The following KLRB1 variants were observed in gnomAD, a reference collection of about 807,000 sequenced individuals.
KLRB1 encodes killer cell lectin-like receptor subfamily B member 1.
In KLRB1, 27 loss-of-function variants were observed where a neutral mutation model predicts 33.5. The observed-to-expected ratio is 0.81, with a 90% CI of 0.59 to 1.11. The LOEUF (loss-of-function observed/expected upper bound fraction) is 1.11. KLRB1 is among the 50% of genes most tolerant of loss of function. The pLI is 0.00. For synonymous variants in KLRB1, 64 were observed against 88.9 expected, an observed-to-expected ratio of 0.72 and a Z score of 1.58; for missense variants, 241 against 254.1, an observed-to-expected ratio of 0.95 and a Z score of 0.35.
intron 5 of KLRB1, among the ~76,000 whole-genome samples, chr12:9,596,374 T>A (rs761758332): frequency 2.0e-5 from 3 of 152,326 alleles, no homozygotes; most frequent in Non-Finnish European, 4.4e-5. Context: ...GTAATTTTTT[T>A]AAATGCCAAT....
At chr12:9,601,307 C>T (rs761472467) in intron 2 of KLRB1, among the ~76,000 whole-genome samples, 194 bp downstream of exon 2, 68 of 151,178 alleles carry the variant, frequency 4.5e-4, no homozygotes, top group South Asian at 8.5e-4. Context: ...ATATGCTGAA[C>T]GCTGGTTCCC....
intron 5 of KLRB1, among the ~76,000 whole-genome samples, chr12:9,596,523 C>T (rs1415933747): frequency 6.6e-6 from 1 of 152,138 alleles, no homozygotes; most frequent in Non-Finnish European, 1.5e-5. Context: ...TGATTCTTCC[C>T]TTTCTTTCCT....
At chr12:9,598,764 T>C in intron 3 of KLRB1, 111 bp from the exon 4 acceptor site, 1 of 675,512 alleles carries the variant, frequency 1.5e-6, no homozygotes, top group South Asian at 3.1e-5. Flanking sequence ...AAGTTTTTGA[T>C]TATCACTGTG....
rs1264714647 is a variant in KLRB1 at position 9,607,332 on chromosome 12, T to TCTTTCTTCC, written c.85+422_85+423insGGAAGAAAG. Among the ~76,000 whole-genome samples the TCTTTCTTCC allele has an allele frequency of 9.7e-3, 566 of 58,208 alleles. 7 individuals carry two copies. The highest frequency in any genetic ancestry group is 0.019 in the South Asian group (21 of 1,112). The allele number at this position is 58,208 out of a possible 152,430, so 38.2% of individuals were successfully genotyped here. A position where few individuals can be genotyped will look rare whatever the true frequency, so the allele number is the denominator to read the frequency against. On this transcript the variant is annotated intron_variant, in intron 1 of 5. Transcript: ENST00000229402. The stretch of plus-strand genomic sequence containing the variant: ...TTCTTTCTTCTTTTCTTTCTCTTTC[T>TCTTTCTTCC]TTCCTTTCTTTCTTTCTTTCTTCCT...
intron 1 of KLRB1, among the ~76,000 whole-genome samples, chr12:9,604,226 G>C (rs1864575849): frequency 6.6e-6 from 1 of 152,108 alleles, no homozygotes; most frequent in South Asian, 2.1e-4. Flanking sequence ...TAGCTATCTG[G>C]AAATACCTAC....
intron 3 of KLRB1, among the ~76,000 whole-genome samples, chr12:9,599,328 C>T (rs1864519172): frequency 6.6e-6 from 1 of 152,136 alleles, no homozygotes; most frequent in Admixed American, 6.6e-5. Flanking sequence ...TTTTTATTAA[C>T]ACACACTGGA....
intron 1 of KLRB1, 142 bp from the exon 2 acceptor site, chr12:9,601,741 A>G (rs1304038030): frequency 8.1e-6 from 5 of 620,436 alleles, no homozygotes; most frequent in African/African-American, 7.3e-5. Flanking sequence ...GGATGGGGGC[A>G]GGGAACAACC....
In KLRB1 at chr12:9,607,339, T is replaced by TCTTTCTTC. The variant is rs1555097765; in HGVS notation, c.85+415_85+416insGAAGAAAG. On this transcript the variant is annotated intron_variant, in intron 1 of 5. Coordinates refer to ENST00000229402, the MANE Select transcript of KLRB1 (RefSeq NM_002258.3). ...TTCTTTTCTTTCTCTTTCTTTCCTT[T>TCTTTCTTC]CTTTCTTTCTTTCTTCCTTTCTTTC... 2.6e-3 allele frequency among the ~76,000 whole-genome samples: 161 copies of TCTTTCTTC among 61,220 alleles called. 1 individual carries two copies. Among genetic ancestry groups the TCTTTCTTC allele is most frequent in the African/African-American group, 7.2e-3 (135 of 18,760 alleles). The allele number at this position is 61,220 out of a possible 152,430, so 40.2% of individuals were successfully genotyped here.
In KLRB1 at chr12:9,595,291, CTT is replaced by C. The variant is rs753409323; in HGVS notation, c.659_660del (p.Lys220SerfsTer4). 3.7e-6 allele frequency: 6 copies of C among 1,613,146 alleles called. No individual in the cohort carries two copies. Among genetic ancestry groups the C allele is most frequent in the Middle Eastern group, 1.6e-4 (1 of 6,074 alleles). ...CQKELTPVRNKVYPDS is the reference protein window; with the variant it reads ...CQKELTPVRNXVYPDS Reference sequence around the variant, plus strand: ...ATTCATAGTCAAGAGTCAGGATACACTTTATTTCTCACAGGTGTTAGTTCTTT... The same window carrying C: ...ATTCATAGTCAAGAGTCAGGATACACTATTTCTCACAGGTGTTAGTTCTTT... On this transcript the variant is annotated frameshift_variant, in exon 6 of 6. Coordinates refer to ENST00000229402, the MANE Select transcript of KLRB1 (RefSeq NM_002258.3). LOFTEE classifies it high-confidence loss of function.
chr12:9,603,348 T>C (rs1864564529), intron 1 of KLRB1, among the ~76,000 whole-genome samples: 1 of 152,218 alleles, frequency 6.6e-6, no homozygotes, highest in Non-Finnish European at 1.5e-5. Flanking sequence ...CCCACCGTTT[T>C]CTTCCTTGAA....
At chr12:9,600,876 G>A (rs1276947997) in intron 2 of KLRB1, among the ~76,000 whole-genome samples, 6 of 151,890 alleles carry the variant, frequency 4.0e-5, no homozygotes, top group African/African-American at 1.2e-4. Context: ...CCCCCAGCCC[G>A]ACACCCGTAA....
intron 5 of KLRB1, among the ~76,000 whole-genome samples, chr12:9,597,037 T>C (rs2120706718): frequency 6.6e-6 from 1 of 152,300 alleles, no homozygotes; most frequent in African/African-American, 2.4e-5. Flanking sequence ...TAAAATATTT[T>C]AGAATGTGGC....
chr12:9,607,389 TTTCTTTCTTTC>T, intron 1 of KLRB1, among the ~76,000 whole-genome samples: 1 of 110,856 alleles, frequency 9.0e-6, no homozygotes, highest in Non-Finnish European at 2.0e-5. Context: ...TCTTTCTTTC[TTTCTTTCTTTC>T]TTTCTTTTCT....
At chr12:9,602,264 C>G (rs772593689) in intron 1 of KLRB1, among the ~76,000 whole-genome samples, 9 of 152,194 alleles carry the variant, frequency 5.9e-5, no homozygotes, top group Non-Finnish European at 1.2e-4. Context: ...TGTCAGATAT[C>G]TCTGCTTTTC....
rs751695091 is a variant in KLRB1 at position 9,595,700 on chromosome 12, GTCT to G, written c.531-282_531-280del. ...AGAAACTTTGGAAACTGGGGATTCA[GTCT>G]TCTTATTGTTCTACTAACAGGTCAC... is the stretch of plus-strand genomic sequence containing the variant. On this transcript the variant is annotated intron_variant, in intron 5 of 5. Coordinates refer to ENST00000229402, the MANE Select transcript of KLRB1 (RefSeq NM_002258.3). 1.5e-3 allele frequency among the ~76,000 whole-genome samples: 235 copies of G among 152,244 alleles called. 1 individual carries two copies. Among genetic ancestry groups the G allele is most frequent in the East Asian group, 7.7e-4 (4 of 5,188 alleles).
At chr12:9,607,633 G>A (rs371449996) in intron 1 of KLRB1, 122 bp downstream of exon 1, 108 of 675,010 alleles carry the variant, frequency 1.6e-4, no homozygotes, top group Non-Finnish European at 2.0e-4. Context: ...TGCAACACCC[G>A]TTAAACATTA....
rs1443666430 is a variant in KLRB1, at chr12:9,606,765, T to A, written c.85+990A>T. ...ATATATATATATATATATATATTTT[T>A]TTTTTTTTTTTGAGATAGTCTTGCT... On this transcript the variant is annotated intron_variant, in intron 1 of 5. Transcript: ENST00000229402. 2.9e-3 allele frequency among the ~76,000 whole-genome samples: 366 copies of A among 125,530 alleles called. 17 individuals are homozygous for A. The highest frequency in any genetic ancestry group is 8.8e-3 in the South Asian group (34 of 3,844). 82.4% of individuals were successfully genotyped at this position (125,530 alleles called of 152,430 possible).
intron 5 of KLRB1, among the ~76,000 whole-genome samples, chr12:9,596,140 T>A (rs1472939641): frequency 5.9e-5 from 9 of 152,134 alleles, no homozygotes; most frequent in Admixed American, 2.6e-4. Context: ...GACTCTCCTA[T>A]TTGTCTCAAA....
chr12:9,600,818 T>C (rs1421969848), intron 2 of KLRB1, among the ~76,000 whole-genome samples: 2 of 151,230 alleles, frequency 1.3e-5, no homozygotes, highest in African/African-American at 4.9e-5. Context: ...TTTCTCCCCA[T>C]GTGATAGTCT....
Sources: allele counts gnomAD v4.1 joint callset (sites outside exome capture counted in the v4.1 genomes callset), GRCh38; gene constraint gnomAD v4.1.1; transcripts MANE v1.5; gene names NCBI Gene and HGNC (gene_info 2026-07-23, HGNC 2026-07-21).